Variants in LSAMP observed in about 807,000 individuals in gnomAD.
The protein encoded by LSAMP is limbic system associated membrane protein.
LSAMP carries 7 observed loss-of-function variants against 38.6 expected under a neutral mutation model. The ratio of observed to expected loss-of-function variants is 0.18; its 90% CI spans 0.10 to 0.34. LSAMP has a LOEUF of 0.34. Ranked by LOEUF, LSAMP falls within the 10% of genes least tolerant of loss-of-function variation. LSAMP has a pLI of 1.00. For missense variants in LSAMP, 313 were observed against 420.0 expected (o/e 0.75, Z 2.23); for synonymous variants, 154 against 166.8 (o/e 0.92, Z 0.59).
chr3:116,287,778 G>T (rs1369042683), intron 1 of LSAMP, among the ~76,000 whole-genome samples: 1 of 152,128 alleles, frequency 6.6e-6, no homozygotes, highest in East Asian at 1.9e-4. Context: ...ATCATTTCAT[G>T]CTCCAATCAT....
At chr3:115,910,509 G>T (rs538920700) in intron 3 of LSAMP, among the ~76,000 whole-genome samples, 1 of 152,168 alleles carries the variant, frequency 6.6e-6, no homozygotes, top group South Asian at 2.1e-4. Flanking sequence ...TTCACATGCA[G>T]TTTTAAGAAA....
intron 1 of LSAMP, among the ~76,000 whole-genome samples, chr3:116,425,186 C>T (rs1292189767): frequency 2.6e-5 from 4 of 152,150 alleles, no homozygotes; most frequent in Non-Finnish European, 4.4e-5. Context: ...TCACCTGTAA[C>T]GAACAGCATA....
At chr3:116,066,603 T>G (rs151002736) in intron 2 of LSAMP, among the ~76,000 whole-genome samples, 1 of 152,234 alleles carries the variant, frequency 6.6e-6, no homozygotes, top group African/African-American at 2.4e-5. Flanking sequence ...AAACTGCCTT[T>G]GCAAACATCT....
intron 1 of LSAMP, among the ~76,000 whole-genome samples, chr3:116,421,553 A>AAAAG: frequency 6.8e-6 from 1 of 146,376 alleles, no homozygotes; most frequent in African/African-American, 2.6e-5. Flanking sequence ...TAAAAAAAAA[A>AAAAG]AAGAAGAAGA....
chr3:116,278,598 T>A (rs1284163558), intron 1 of LSAMP, among the ~76,000 whole-genome samples: 1 of 152,218 alleles, frequency 6.6e-6, no homozygotes, highest in Non-Finnish European at 1.5e-5. Context: ...TTGAAGTAAC[T>A]GAAAGTTACT....
intron 3 of LSAMP, among the ~76,000 whole-genome samples, chr3:115,920,236 A>C (rs76552402): frequency 0.024 from 3,578 of 152,222 alleles, 162 homozygotes; most frequent in African/African-American, 0.08. Context: ...ATAACTCTTA[A>C]TTTTTACATT....
At chr3:116,090,799 T>C (rs1038630763) in intron 1 of LSAMP, among the ~76,000 whole-genome samples, 5 of 152,064 alleles carry the variant, frequency 3.3e-5, no homozygotes, top group Non-Finnish European at 5.9e-5. Flanking sequence ...AATGTGTGAA[T>C]AGGTGTGGGT....
intron 1 of LSAMP, among the ~76,000 whole-genome samples, chr3:116,333,608 A>T (rs1300218581): frequency 6.6e-6 from 1 of 152,072 alleles, no homozygotes; most frequent in Non-Finnish European, 1.5e-5. Flanking sequence ...AATCAATAAA[A>T]TAACTAAAAC....
At chr3:116,355,443 T>C (rs1049867906) in intron 1 of LSAMP, among the ~76,000 whole-genome samples, 1 of 152,112 alleles carries the variant, frequency 6.6e-6, no homozygotes, top group Non-Finnish European at 1.5e-5. Flanking sequence ...CAAAATCAGA[T>C]GGGTTAAAGA....
intron 1 of LSAMP, among the ~76,000 whole-genome samples, chr3:116,251,573 A>G (rs1336468906): frequency 1.3e-5 from 2 of 152,216 alleles, no homozygotes; most frequent in Non-Finnish European, 2.9e-5. Context: ...TTTTATGTCA[A>G]GACTACAGAG....
rs923023863 is a variant in LSAMP at position 115,923,974 on chromosome 3, A to AT, written c.515-71358dup. ...TTATCTGTTTCTATTCATGATGCCTATTTTTTTTTCTTTTCGTCCAGTATC... is the reference window on the plus strand; with the variant it reads ...TTATCTGTTTCTATTCATGATGCCTATTTTTTTTTTCTTTTCGTCCAGTATC... On this transcript the variant is annotated intron_variant, in intron 3 of 6. Transcript: ENST00000490035. Among the ~76,000 whole-genome samples, 12 of 151,238 alleles carry AT rather than the reference A, an allele frequency of 7.9e-5. No individual in the cohort carries two copies. The South Asian group carries it at 2.1e-3, about 26-fold the overall frequency.
intron 3 of LSAMP, among the ~76,000 whole-genome samples, chr3:116,004,411 TACATATATACACA>T (rs1323760227): frequency 6.6e-6 from 1 of 151,458 alleles, no homozygotes; most frequent in East Asian, 1.9e-4. Context: ...TATGTATACT[TACATATATACACA>T]TATACATATA....
At chr3:116,163,603 G>A (rs1709955716) in intron 1 of LSAMP, among the ~76,000 whole-genome samples, 1 of 151,964 alleles carries the variant, frequency 6.6e-6, no homozygotes, top group Non-Finnish European at 1.5e-5. Flanking sequence ...GTAATGGGAT[G>A]GCTGGGTCAA....
intron 4 of LSAMP, among the ~76,000 whole-genome samples, chr3:115,849,001 G>GTTAC (rs1387482553): frequency 6.6e-6 from 1 of 152,180 alleles, no homozygotes; most frequent in Non-Finnish European, 1.5e-5. Context: ...CTCAAAAGTA[G>GTTAC]TTACATTTAA....
intron 1 of LSAMP, among the ~76,000 whole-genome samples, chr3:116,411,683 G>A (rs1346110558): frequency 1.2e-4 from 18 of 148,788 alleles, no homozygotes; most frequent in Admixed American, 1.1e-3. Flanking sequence ...GCTAAATGAC[G>A]AGTTAATGGG....
intron 1 of LSAMP, among the ~76,000 whole-genome samples, chr3:116,212,002 G>A (rs1032795728): frequency 3.9e-5 from 6 of 152,146 alleles, no homozygotes; most frequent in African/African-American, 1.2e-4. Flanking sequence ...GAAGAGAGAG[G>A]TCAGGTTACA....
At chr3:115,851,820 C>T (rs942662010) in intron 4 of LSAMP, among the ~76,000 whole-genome samples, 1 of 152,294 alleles carries the variant, frequency 6.6e-6, no homozygotes, top group Admixed American at 6.5e-5. Context: ...TGACACACAT[C>T]ATATAGATCC....
chr3:115,812,764 AT>A (rs968390512), intron 6 of LSAMP, among the ~76,000 whole-genome samples: 27 of 152,168 alleles, frequency 1.8e-4, no homozygotes, highest in African/African-American at 5.8e-4. Flanking sequence ...AAAGGGTCCA[AT>A]TCTGCTGATT....
chr3:116,292,086 A>G (rs2047274088), intron 1 of LSAMP, among the ~76,000 whole-genome samples: 1 of 152,196 alleles, frequency 6.6e-6, no homozygotes, highest in South Asian at 2.1e-4. Flanking sequence ...CTTTCAGAGC[A>G]GTGAGTTAAT....
Sources: allele counts gnomAD v4.1 joint callset (sites outside exome capture counted in the v4.1 genomes callset), GRCh38; gene constraint gnomAD v4.1.1; transcripts MANE v1.5; gene names NCBI Gene and HGNC (gene_info 2026-07-23, HGNC 2026-07-21).